The following ULK4 variants were observed in gnomAD, a reference collection of about 807,000 sequenced individuals.
The protein encoded by ULK4 is unc-51 like kinase 4.
ULK4 carries 133 observed loss-of-function variants against 160.6 expected under a neutral mutation model. The observed-to-expected ratio is 0.83, with a 90% CI of 0.72 to 0.96. ULK4 has a LOEUF of 0.96. Ranked by LOEUF, ULK4 falls within the 40% of genes least tolerant of loss-of-function variation. The pLI is 0.00. For synonymous variants in ULK4, 534 were observed against 539.8 expected (o/e 0.99, Z 0.15); for missense variants, 1,580 against 1,499.5 (o/e 1.05, Z -0.89).
rs1553664758 is a variant in ULK4, at chr3:41,431,547, C to CTTTTTTTTTTTTT, written c.3492+23937_3492+23949dup. 2.4e-4 allele frequency among the ~76,000 whole-genome samples: 23 copies of CTTTTTTTTTTTTT among 95,824 alleles called. 1 individual carries two copies. The highest frequency in any genetic ancestry group is 4.4e-4 in the East Asian group (1 of 2,258). 62.9% of individuals were successfully genotyped at this position (95,824 alleles called of 152,430 possible). A position where few individuals can be genotyped will look rare whatever the true frequency, so the allele number is the denominator to read the frequency against. ...CCTGTGAGGTGTTGTAATTCCCTCC[C>CTTTTTTTTTTTTT]TTTTTTTTTTTTTTTGATGTGGAAA... On this transcript the variant is annotated intron_variant, in intron 34 of 36. Coordinates refer to ENST00000301831, the MANE Select transcript of ULK4 (RefSeq NM_017886.4).
chr3:41,497,040 C>CA (rs56325419), intron 32 of ULK4, among the ~76,000 whole-genome samples: 8 of 142,656 alleles, frequency 5.6e-5, no homozygotes, highest in African/African-American at 1.8e-4. Context: ...AACCCATAAC[C>CA]AAAAAAAAAA....
intron 1 of ULK4, among the ~76,000 whole-genome samples, chr3:41,961,113 G>A (rs956437586): frequency 6.8e-6 from 1 of 147,896 alleles, no homozygotes; most frequent in African/African-American, 2.7e-5. Flanking sequence ...GTTCACCTAA[G>A]AAGCATCTAA....
At chr3:41,910,088 T>C (rs1698725466) in intron 11 of ULK4, among the ~76,000 whole-genome samples, 1 of 151,798 alleles carries the variant, frequency 6.6e-6, no homozygotes, top group Non-Finnish European at 1.5e-5. Context: ...CAGAGACGGG[T>C]TTTCGCCATG....
chr3:41,445,059 A>G (rs2083265783), intron 34 of ULK4, among the ~76,000 whole-genome samples: 1 of 152,198 alleles, frequency 6.6e-6, no homozygotes, highest in Non-Finnish European at 1.5e-5. Context: ...AAAAATCACA[A>G]GCATTCTTAT....
At chr3:41,755,600 C>T (rs2125899753) in intron 21 of ULK4, among the ~76,000 whole-genome samples, 1 of 152,204 alleles carries the variant, frequency 6.6e-6, no homozygotes, top group East Asian at 1.9e-4. Context: ...GTCTAAGGAC[C>T]ACCATCACAA....
intron 32 of ULK4, among the ~76,000 whole-genome samples, chr3:41,553,491 G>A (rs773858508): frequency 6.6e-6 from 1 of 152,040 alleles, no homozygotes; most frequent in Non-Finnish European, 1.5e-5. Context: ...ATGACAAAAT[G>A]CTTAACATCA....
At chr3:41,730,596 A>G (rs1448055710) in intron 22 of ULK4, among the ~76,000 whole-genome samples, 1 of 152,220 alleles carries the variant, frequency 6.6e-6, no homozygotes, top group East Asian at 1.9e-4. Context: ...GAAGAGACCA[A>G]TAATGAGTAA....
intron 27 of ULK4, among the ~76,000 whole-genome samples, chr3:41,685,053 A>T (rs137904280): frequency 1.0e-3 from 155 of 150,860 alleles, no homozygotes; most frequent in African/African-American, 3.6e-3. Context: ...TGGGTTCAAT[A>T]CCTGGCACAG....
chr3:41,323,402 A>G (rs925019605), intron 35 of ULK4, among the ~76,000 whole-genome samples: 3 of 141,542 alleles, frequency 2.1e-5, no homozygotes, highest in Non-Finnish European at 4.5e-5. Context: ...ACACACACAC[A>G]CACACACACA....
At chr3:41,846,824 A>T (rs1159997599) in intron 17 of ULK4, among the ~76,000 whole-genome samples, 1 of 151,578 alleles carries the variant, frequency 6.6e-6, no homozygotes, top group Non-Finnish European at 1.5e-5. Flanking sequence ...AAAAAAAAAA[A>T]TCTTACCATT....
At chr3:41,660,178 C>G (rs2035098589) in intron 30 of ULK4, among the ~76,000 whole-genome samples, 1 of 152,106 alleles carries the variant, frequency 6.6e-6, no homozygotes, top group East Asian at 1.9e-4. Flanking sequence ...GCCTGTAATC[C>G]CAGCTACTCG....
intron 35 of ULK4, among the ~76,000 whole-genome samples, chr3:41,268,576 C>G (rs375738724): frequency 6.6e-6 from 1 of 151,990 alleles, no homozygotes; most frequent in Non-Finnish European, 1.5e-5. Context: ...GAGACCGAGG[C>G]GGGCAGATCA....
intron 1 of ULK4, among the ~76,000 whole-genome samples, chr3:41,961,550 A>ACC (rs201424516): frequency 8.0e-6 from 1 of 124,718 alleles, no homozygotes; most frequent in Admixed American, 7.4e-5. Flanking sequence ...GTAGTCACTC[A>ACC]CCCCCCCCCC....
intron 25 of ULK4, among the ~76,000 whole-genome samples, chr3:41,706,846 A>ATATATGTGT (rs1473434090): frequency 7.7e-6 from 1 of 129,536 alleles, no homozygotes; most frequent in African/African-American, 2.9e-5. Context: ...AAAAAAAAAA[A>ATATATGTGT]ATATGTGTGT....
intron 5 of ULK4, among the ~76,000 whole-genome samples, chr3:41,924,190 C>T (rs1325710076): frequency 6.6e-6 from 1 of 152,172 alleles, no homozygotes; most frequent in Non-Finnish European, 1.5e-5. Flanking sequence ...CAACCCCACC[C>T]CAGTACCCAC....
At chr3:41,276,039 C>G (rs2079223411) in intron 35 of ULK4, among the ~76,000 whole-genome samples, 2 of 152,222 alleles carry the variant, frequency 1.3e-5, no homozygotes, top group East Asian at 1.9e-4. Flanking sequence ...ACAAACAGGA[C>G]TACTGCTGAT....
chr3:41,564,478 G>GTT, intron 32 of ULK4, among the ~76,000 whole-genome samples: 1 of 100,482 alleles, frequency 1.0e-5, no homozygotes, highest in Non-Finnish European at 1.9e-5. Context: ...TTTTTTTTGA[G>GTT]ACAGTGTCTC....
chr3:41,943,356 T>C (rs1424845912), intron 2 of ULK4, among the ~76,000 whole-genome samples: 1 of 152,210 alleles, frequency 6.6e-6, no homozygotes, highest in Non-Finnish European at 1.5e-5. Flanking sequence ...GCTAGACTTT[T>C]ACTAAAACTG....
chr3:41,718,200 CAAGTT>C (rs2037337235), intron 22 of ULK4, among the ~76,000 whole-genome samples: 1 of 152,168 alleles, frequency 6.6e-6, no homozygotes, highest in South Asian at 2.1e-4. Flanking sequence ...AGTAAAGCCA[CAAGTT>C]AACTGCATAT....
Sources: allele counts gnomAD v4.1 joint callset (sites outside exome capture counted in the v4.1 genomes callset), GRCh38; gene constraint gnomAD v4.1.1; transcripts MANE v1.5; gene names NCBI Gene and HGNC (gene_info 2026-07-23, HGNC 2026-07-21).